Variants in TEC observed in about 807,000 individuals in gnomAD.
TEC encodes the protein tec protein tyrosine kinase.
A neutral mutation model predicts 93.0 loss-of-function variants in TEC; 72 were observed. The ratio of observed to expected loss-of-function variants is 0.77; its 90% CI spans 0.64 to 0.94. The LOEUF (loss-of-function observed/expected upper bound fraction) is 0.94. TEC is among the 40% of genes least tolerant of loss of function. TEC has a pLI of 0.00. For synonymous variants in TEC, 249 were observed against 247.7 expected, an observed-to-expected ratio of 1.01 and a Z score of -0.05; for missense variants, 630 against 757.9, an observed-to-expected ratio of 0.83 and a Z score of 1.98.
At chr4:48,207,442 C>T (rs1306468555) in intron 2 of TEC, among the ~76,000 whole-genome samples, 2 of 152,030 alleles carry the variant, frequency 1.3e-5, no homozygotes, top group Non-Finnish European at 2.9e-5. Flanking sequence ...TTCTTCAAGA[C>T]GTCCTCAAGG....
chr4:48,167,751 T>C (rs1240601188), intron 7 of TEC, 27 bp downstream of exon 7: 3 of 1,608,010 alleles, frequency 1.9e-6, no homozygotes, highest in Admixed American at 3.3e-5. Flanking sequence ...ACCCACTGCA[T>C]ATCACACACA....
intron 2 of TEC, among the ~76,000 whole-genome samples, chr4:48,222,484 T>C (rs1032573826): frequency 8.6e-5 from 13 of 152,010 alleles, no homozygotes; most frequent in Admixed American, 5.9e-4. Context: ...TAATTTTATG[T>C]GTCAACTTGA....
At chr4:48,138,240 G>C (rs1263410801) in intron 17 of TEC, among the ~76,000 whole-genome samples, 2 of 152,158 alleles carry the variant, frequency 1.3e-5, no homozygotes, top group Non-Finnish European at 2.9e-5. Context: ...AAGTCATTTG[G>C]TATCTAATCT....
chr4:48,251,926 T>A (rs1387606328), intron 1 of TEC, among the ~76,000 whole-genome samples: 4 of 151,984 alleles, frequency 2.6e-5, no homozygotes, highest in African/African-American at 9.7e-5. Context: ...AATAAACAAA[T>A]CAGATCCTAA....
At chr4:48,158,790 CAGA>C (rs1276345857) in intron 8 of TEC, among the ~76,000 whole-genome samples, 1 of 152,108 alleles carries the variant, frequency 6.6e-6, no homozygotes, top group East Asian at 1.9e-4. Flanking sequence ...TCCAGCTCCT[CAGA>C]AGGAGGAGGA....
chr4:48,156,308 G>T (rs1175633910), intron 9 of TEC, among the ~76,000 whole-genome samples: 1 of 152,184 alleles, frequency 6.6e-6, no homozygotes, highest in East Asian at 1.9e-4. Context: ...CTTTCATAAA[G>T]ATGTTTATCT....
intron 1 of TEC, among the ~76,000 whole-genome samples, chr4:48,248,137 A>T (rs1167140435): frequency 1.3e-5 from 2 of 152,230 alleles, no homozygotes; most frequent in Non-Finnish European, 2.9e-5. Flanking sequence ...GTATCAGCAG[A>T]AATGTCCAGA....
chr4:48,222,458 T>C (rs1265908563), intron 2 of TEC, among the ~76,000 whole-genome samples: 1 of 151,974 alleles, frequency 6.6e-6, no homozygotes, highest in Admixed American at 6.6e-5. Context: ...TAGAGAAAAT[T>C]CACCGATATG....
At chr4:48,164,783 C>T (rs892958423) in intron 7 of TEC, among the ~76,000 whole-genome samples, 1 of 152,190 alleles carries the variant, frequency 6.6e-6, no homozygotes, top group African/African-American at 2.4e-5. Flanking sequence ...AAGCAGATCA[C>T]TTGAGGCCAG....
At chr4:48,196,464 G>A (rs939061997) in intron 2 of TEC, among the ~76,000 whole-genome samples, 20 of 152,188 alleles carry the variant, frequency 1.3e-4, no homozygotes, top group African/African-American at 4.3e-4. Flanking sequence ...GTAAGAATTC[G>A]AAGAGTCAAT....
At chr4:48,208,686 T>C (rs1722795249) in intron 2 of TEC, among the ~76,000 whole-genome samples, 1 of 152,176 alleles carries the variant, frequency 6.6e-6, no homozygotes, top group Admixed American at 6.5e-5. Context: ...ATCTCTCTCA[T>C]GCGGCTTTAC....
chr4:48,240,096 T>C (rs142721957), intron 1 of TEC, among the ~76,000 whole-genome samples: 1 of 152,162 alleles, frequency 6.6e-6, no homozygotes, highest in East Asian at 1.9e-4. Flanking sequence ...GTGATTTGCT[T>C]CCTAATCTGA....
chr4:48,154,611 A>G (rs901977689), intron 9 of TEC, among the ~76,000 whole-genome samples: 1 of 152,190 alleles, frequency 6.6e-6, no homozygotes, highest in African/African-American at 2.4e-5. Flanking sequence ...TTTCTAGTTT[A>G]GAGGTTATTT....
intron 2 of TEC, among the ~76,000 whole-genome samples, chr4:48,195,684 A>G (rs976594267): frequency 1.3e-5 from 2 of 152,228 alleles, no homozygotes; most frequent in African/African-American, 2.4e-5. Context: ...AAATTGATCA[A>G]GGGCAAATGA....
In TEC at chr4:48,170,337, G is replaced by A; in HGVS notation, c.365C>T (p.Pro122Leu). ...ATAACTTCCATCTGTCCAGAATTTA[G>A]GATGATATTTAATCATAATATTATT... The part of the protein sequence containing the change: ...NNNNIMIKYH[P>L]KFWTDGSYQC... Residue 122 changes from proline (P) to leucine (L), a missense_variant, in exon 5 of 18, where the codon CCT becomes CTT. Transcript: ENST00000381501. 1 of 1,477,088 alleles carries A rather than the reference G, an allele frequency of 6.8e-7. No homozygotes were observed. Among genetic ancestry groups the A allele is most frequent in the Non-Finnish European group, 9.4e-7 (1 of 1,059,350 alleles). The allele number at this position is 1,477,088 out of a possible 1,614,324, so 91.5% of individuals were successfully genotyped here.
At chr4:48,149,066 GTC>G (rs1720048316) in intron 11 of TEC, among the ~76,000 whole-genome samples, 1 of 152,194 alleles carries the variant, frequency 6.6e-6, no homozygotes, top group South Asian at 2.1e-4. Flanking sequence ...TCTTTATCCT[GTC>G]TATCACTGAT....
At chr4:48,225,310 G>T (rs547991782) in intron 2 of TEC, among the ~76,000 whole-genome samples, 2 of 152,250 alleles carry the variant, frequency 1.3e-5, no homozygotes, top group South Asian at 4.2e-4. Flanking sequence ...GAGTAGCTGG[G>T]ATTACAGGCA....
At chr4:48,168,702 TA>T in intron 5 of TEC, 76 bp from the exon 6 acceptor site, 1 of 1,504,508 alleles carries the variant, frequency 6.6e-7, no homozygotes, top group Non-Finnish European at 9.1e-7. Context: ...TGGGTAGTTT[TA>T]AGGAAAAGTG....
intron 2 of TEC, among the ~76,000 whole-genome samples, chr4:48,176,745 C>T (rs1391725942): frequency 6.6e-6 from 1 of 152,118 alleles, no homozygotes; most frequent in African/African-American, 2.4e-5. Context: ...AACTCCAGAA[C>T]AGAAAAACTC....
Sources: gnomAD v4.1 joint callset for allele counts (sites outside exome capture counted in the v4.1 genomes callset) on GRCh38, gnomAD v4.1.1 for gene constraint, MANE v1.5 for transcripts, NCBI Gene and HGNC (gene_info 2026-07-23, HGNC 2026-07-21) for gene names.